Variants in TBC1D22A observed in about 807,000 individuals in gnomAD.
The protein encoded by TBC1D22A is putative GTPase activator.
A neutral mutation model predicts 60.2 loss-of-function variants in TBC1D22A; 38 were observed. That is an observed-to-expected ratio of 0.63 (90% CI 0.49 to 0.83). The LOEUF is 0.83. Among genes scored for constraint, TBC1D22A ranks in the 40% least tolerant of loss-of-function variants. TBC1D22A has a pLI of 0.00. For missense variants in TBC1D22A, 628 were observed against 701.0 expected, an observed-to-expected ratio of 0.90 and a Z score of 1.18; for synonymous variants, 302 against 281.7, an observed-to-expected ratio of 1.07 and a Z score of -0.72.
At chr22:47,160,264 G>A (rs1024210385) in intron 12 of TBC1D22A, among the ~76,000 whole-genome samples, 2 of 152,348 alleles carry the variant, frequency 1.3e-5, no homozygotes, top group East Asian at 1.9e-4. Context: ...GCTGGAGCAC[G>A]TGGTCAGGAT....
At chr22:46,988,369 C>T (rs1388539824) in intron 9 of TBC1D22A, among the ~76,000 whole-genome samples, 2 of 152,242 alleles carry the variant, frequency 1.3e-5, no homozygotes, top group Admixed American at 1.3e-4. Flanking sequence ...AGGTCCTTTC[C>T]ACAGGGTTTT....
At chr22:46,776,397 G>A (rs899740308) in intron 1 of TBC1D22A, among the ~76,000 whole-genome samples, 1 of 110,202 alleles carries the variant, frequency 9.1e-6, no homozygotes, top group Non-Finnish European at 2.1e-5. Flanking sequence ...AGTTGTGGCT[G>A]TGTGGTGGGG....
intron 11 of TBC1D22A, among the ~76,000 whole-genome samples, chr22:47,039,884 C>T (rs1603119832): frequency 6.9e-6 from 1 of 144,134 alleles, no homozygotes; most frequent in South Asian, 2.2e-4. Context: ...AGGAAGCAGG[C>T]GTGTCTTCCA....
chr22:46,783,065 C>G (rs190898012), intron 1 of TBC1D22A, among the ~76,000 whole-genome samples: 1 of 152,186 alleles, frequency 6.6e-6, no homozygotes, highest in South Asian at 2.1e-4. Context: ...TTTAATTTCC[C>G]GCTAGCAGTG....
chr22:46,953,424 A>G (rs1221513751), intron 8 of TBC1D22A, among the ~76,000 whole-genome samples: 2 of 151,990 alleles, frequency 1.3e-5, no homozygotes, highest in East Asian at 3.8e-4. Flanking sequence ...CTTGTCAATT[A>G]TCTTTTAAAG....
chr22:47,035,749 G>A (rs904257797), intron 10 of TBC1D22A, among the ~76,000 whole-genome samples: 1 of 152,172 alleles, frequency 6.6e-6, no homozygotes, highest in Non-Finnish European at 1.5e-5. Context: ...GCTTAGTGGA[G>A]CCTGCTTGGA....
intron 8 of TBC1D22A, among the ~76,000 whole-genome samples, chr22:46,912,562 A>G (rs1289897763): frequency 1.3e-5 from 2 of 151,820 alleles, no homozygotes; most frequent in African/African-American, 2.4e-5. Flanking sequence ...CTGTTTATCT[A>G]TCTGTTTATT....
chr22:47,010,308 A>T (rs982984860), intron 10 of TBC1D22A, among the ~76,000 whole-genome samples: 2 of 152,106 alleles, frequency 1.3e-5, no homozygotes, highest in Admixed American at 6.5e-5. Flanking sequence ...CAGCGCAGCC[A>T]GGCCGGGGAA....
chr22:46,876,326 T>G (rs2067563582), intron 4 of TBC1D22A, among the ~76,000 whole-genome samples: 1 of 152,228 alleles, frequency 6.6e-6, no homozygotes, highest in Admixed American at 6.5e-5. Context: ...GACATTCTTT[T>G]CTATGGCAAC....
chr22:46,913,862 G>A, intron 8 of TBC1D22A: 1 of 701,856 alleles, frequency 1.4e-6, no homozygotes, highest in South Asian at 6.4e-5. Flanking sequence ...TGCAAGACAG[G>A]ATGAAGGGGC....
intron 11 of TBC1D22A, among the ~76,000 whole-genome samples, chr22:47,098,875 T>C (rs951605373): frequency 3.9e-5 from 6 of 152,212 alleles, no homozygotes; most frequent in African/African-American, 1.4e-4. Context: ...TGGGACCTCC[T>C]GTGAGGACAG....
Position 46,929,734 on chromosome 22 carries a change from G to A in TBC1D22A, c.1015+17546G>A, listed in dbSNP as rs182118224. The stretch of plus-strand genomic sequence containing the variant: ...TGTGTGTGCGTGTGCGTGTGTGCAT[G>A]CATGTATGTGCATGCATGCACATGT... On this transcript the variant is annotated intron_variant, in intron 8 of 12. Coordinates refer to ENST00000337137, the MANE Select transcript of TBC1D22A (RefSeq NM_014346.5). Among the ~76,000 whole-genome samples the A allele has an allele frequency of 2.5e-3, 377 of 152,186 alleles. 1 individual carries two copies. The highest frequency in any genetic ancestry group is 8.9e-3 in the African/African-American group (368 of 41,510).
At chr22:47,080,626 T>A (rs199699063) in intron 11 of TBC1D22A, among the ~76,000 whole-genome samples, 551 of 46,554 alleles carry the variant, frequency 0.012, 3 homozygotes, top group South Asian at 0.099. Flanking sequence ...CCTGTAAAAA[T>A]ATATATATAT....
intron 8 of TBC1D22A, among the ~76,000 whole-genome samples, chr22:46,965,349 G>A (rs1342183859): frequency 6.6e-6 from 1 of 152,204 alleles, no homozygotes; most frequent in Non-Finnish European, 1.5e-5. Flanking sequence ...TCTTGTTGCC[G>A]ACTCCCCTGC....
intron 1 of TBC1D22A, among the ~76,000 whole-genome samples, chr22:46,770,749 C>T (rs575056684): frequency 4.6e-5 from 7 of 152,218 alleles, no homozygotes; most frequent in South Asian, 2.1e-4. Context: ...TGCTTCTGGC[C>T]GCCTTGCTTT....
At chr22:46,870,754 C>T (rs12627847) in intron 4 of TBC1D22A, among the ~76,000 whole-genome samples, 51,217 of 151,944 alleles carry the variant, frequency 0.34, 8,978 homozygotes, top group Non-Finnish European at 0.39. Context: ...AAGGGCAAAA[C>T]GGGACAAAAT....
chr22:46,872,487 T>A (rs2067337090), intron 4 of TBC1D22A, among the ~76,000 whole-genome samples: 1 of 151,218 alleles, frequency 6.6e-6, no homozygotes, highest in Non-Finnish European at 1.5e-5. Context: ...TGTCCTGTTA[T>A]CAACAGCTAG....
intron 10 of TBC1D22A, among the ~76,000 whole-genome samples, chr22:47,032,792 C>T (rs2062523013): frequency 6.6e-6 from 1 of 152,330 alleles, no homozygotes; most frequent in East Asian, 1.9e-4. Context: ...CAGTGCAAGG[C>T]GGCACCCACT....
chr22:46,843,554 G>A (rs752021545), intron 4 of TBC1D22A, among the ~76,000 whole-genome samples: 1 of 151,982 alleles, frequency 6.6e-6, no homozygotes, highest in Admixed American at 6.5e-5. Context: ...TTTGGGTGAC[G>A]CCTTTACACC....
Sources: gnomAD v4.1 joint callset for allele counts (sites outside exome capture counted in the v4.1 genomes callset) on GRCh38, gnomAD v4.1.1 for gene constraint, MANE v1.5 for transcripts, NCBI Gene and HGNC (gene_info 2026-07-23, HGNC 2026-07-21) for gene names.